Variants in OPRM1 observed in about 807,000 individuals in gnomAD.
OPRM1 encodes the protein opioid receptor mu 1.
A neutral mutation model predicts 31.8 loss-of-function variants in OPRM1; 27 were observed. That is an observed-to-expected ratio of 0.85 (90% CI 0.63 to 1.17). The LOEUF (loss-of-function observed/expected upper bound fraction) is 1.17, where lower values mean the gene tolerates loss of function less well. OPRM1 is among the 50% of genes most tolerant of loss of function. The probability of loss-of-function intolerance (pLI) is 0.00; values close to 1 mark genes in which losing one functional copy is unlikely to be tolerated. For missense variants in OPRM1, 536 were observed against 511.1 expected, an observed-to-expected ratio of 1.05 and a Z score of -0.47; for synonymous variants, 196 against 189.9, an observed-to-expected ratio of 1.03 and a Z score of -0.26.
chr6:154,034,795 G>A (rs530882793), upstream of OPRM1, among the ~76,000 whole-genome samples: 1 of 152,112 alleles, frequency 6.6e-6, no homozygotes, highest in Non-Finnish European at 1.5e-5. Context: ...GGAAATTGAA[G>A]AGCAAGACTT....
intron 3 of OPRM1, among the ~76,000 whole-genome samples, chr6:154,232,574 A>G (rs1779806002): frequency 6.6e-6 from 1 of 152,230 alleles, no homozygotes; most frequent in South Asian, 2.1e-4. Context: ...AAATAATTCT[A>G]AAGACAAGAC....
Position 154,123,904 on chromosome 6 carries a change from A to G in OPRM1, c.*5183A>G, listed in dbSNP as rs917311245. ...TCTTTACCACATCCTTTTATCAGTAAGATCTTCGTGACCTGTACCTTGTGC... is the reference window on the plus strand; with the variant it reads ...TCTTTACCACATCCTTTTATCAGTAGGATCTTCGTGACCTGTACCTTGTGC... On this transcript the variant is annotated 3_prime_UTR_variant, in exon 4 of 4. Transcript: ENST00000330432. Among the ~76,000 whole-genome samples the G allele has an allele frequency of 6.6e-6, 1 of 152,184 alleles. No homozygotes were observed. The highest frequency in any genetic ancestry group is 1.5e-5 in the Non-Finnish European group (1 of 68,038).
upstream of OPRM1, among the ~76,000 whole-genome samples, chr6:154,037,079 T>C (rs1204014956): frequency 6.6e-6 from 1 of 152,032 alleles, no homozygotes; most frequent in East Asian, 1.9e-4. Context: ...TAACAAGATG[T>C]AACTTAAAAG....
upstream of OPRM1, among the ~76,000 whole-genome samples, chr6:154,038,928 G>T (rs963884206): frequency 6.6e-6 from 1 of 152,184 alleles, no homozygotes; most frequent in Non-Finnish European, 1.5e-5. Context: ...GACTGCAAAA[G>T]AAAATTGTGT....
At chr6:154,180,386 C>CTATATATATA (rs58975780) in intron 3 of OPRM1, among the ~76,000 whole-genome samples, 8 of 88,320 alleles carry the variant, frequency 9.1e-5, no homozygotes, top group African/African-American at 2.0e-4. Context: ...ACAACAACAA[C>CTATATATATA]TATATATATA....
chr6:154,120,649 T>C lies in OPRM1; in HGVS notation c.*1928T>C, dbSNP rs1301755850. ...ATTCAAACAGAACACAATGTAATAT[T>C]TGTATGTAAATAACTGAGGAGGAAA... On this transcript the variant is annotated 3_prime_UTR_variant, in exon 4 of 4. Transcript: ENST00000330432. Among the ~76,000 whole-genome samples, 2 of 152,166 alleles carry C rather than the reference T, an allele frequency of 1.3e-5. No individual in the cohort carries two copies. The highest frequency in any genetic ancestry group is 2.9e-5 in the Non-Finnish European group (2 of 68,018).
Position 154,039,764 on chromosome 6 carries a change from A to G in OPRM1, c.220A>G (p.Met74Val). 3 of 1,605,390 alleles carry G rather than the reference A, an allele frequency of 1.9e-6. No individual in the cohort carries two copies. Among genetic ancestry groups the G allele is most frequent in the South Asian group, 2.2e-5 (2 of 91,028 alleles). Residue 74 changes from methionine (M) to valine (V), a missense_variant, in exon 1 of 4, where the codon ATG becomes GTG. Transcript: ENST00000330432. ...CTCCATGATCACGGCCATCACGATC[A>G]TGGCCCTCTACTCCATCGTGTGCGT... is the stretch of plus-strand genomic sequence containing the variant. ...SPSMITAITI[M>V]ALYSIVCVVG...
chr6:154,213,131 G>A, intron 3 of OPRM1: 1 of 398,364 alleles, frequency 2.5e-6, no homozygotes, highest in Non-Finnish European at 4.6e-6. Context: ...CTCAAAAGAG[G>A]TGTGAGTCAT....
intron 3 of OPRM1, among the ~76,000 whole-genome samples, chr6:154,143,948 G>T (rs1798290562): frequency 6.6e-6 from 1 of 152,182 alleles, no homozygotes; most frequent in African/African-American, 2.4e-5. Flanking sequence ...GAAAGAGAGA[G>T]AGAAAGGACA....
At chr6:154,099,998 A>G (rs1463549178) in intron 3 of OPRM1, among the ~76,000 whole-genome samples, 2 of 130,372 alleles carry the variant, frequency 1.5e-5, no homozygotes, top group East Asian at 2.1e-4. Context: ...ATTATATATT[A>G]TCATATTATG....
At chr6:154,226,055 C>G (rs955292820) in intron 3 of OPRM1, among the ~76,000 whole-genome samples, 2 of 152,164 alleles carry the variant, frequency 1.3e-5, no homozygotes, top group African/African-American at 2.4e-5. Flanking sequence ...TCTAACTATG[C>G]CTTCTTCTCT....
chr6:154,116,235 GC>G (rs879257534), intron 3 of OPRM1, among the ~76,000 whole-genome samples: 1 of 152,152 alleles, frequency 6.6e-6, no homozygotes, highest in Admixed American at 6.5e-5. Flanking sequence ...GGCAGCTTCA[GC>G]CCTCAGGCTT....
chr6:154,219,971 G>A (rs1394357437), intron 3 of OPRM1, among the ~76,000 whole-genome samples: 11 of 148,556 alleles, frequency 7.4e-5, no homozygotes, highest in Admixed American at 4.0e-4. Flanking sequence ...AGAGCTGAGC[G>A]GATACCTGTA....
intron 3 of OPRM1, chr6:154,214,108 A>G (rs1778189837): frequency 1.3e-6 from 1 of 752,916 alleles, no homozygotes; most frequent in Non-Finnish European, 2.4e-6. Flanking sequence ...ATGCCAAAGC[A>G]TGTTTCCTCA....
intron 1 of OPRM1, among the ~76,000 whole-genome samples, chr6:154,059,702 A>G (rs549037312): frequency 6.6e-6 from 1 of 152,238 alleles, no homozygotes; most frequent in Non-Finnish European, 1.5e-5. Context: ...TAACAAAGTA[A>G]CAAATACTCA....
rs760524753 is a variant in OPRM1, at chr6:154,125,594, CA to C, written c.*6881del. Among the ~76,000 whole-genome samples, 2 of 151,568 alleles carry C rather than the reference CA, an allele frequency of 1.3e-5. No homozygotes were observed. The highest frequency in any genetic ancestry group is 2.1e-4 in the South Asian group (1 of 4,790). On this transcript the variant is annotated 3_prime_UTR_variant, in exon 4 of 4. Transcript: ENST00000330432. ...CATGCACTGTAATAGGAATGTTTAGCAAAAAAAACCTTCCAGAGAAAGGTGG... is the reference window on the plus strand; with the variant it reads ...CATGCACTGTAATAGGAATGTTTAGCAAAAAAACCTTCCAGAGAAAGGTGG...
chr6:154,069,643 C>G (rs1786221082), intron 1 of OPRM1, among the ~76,000 whole-genome samples: 1 of 152,120 alleles, frequency 6.6e-6, no homozygotes, highest in Admixed American at 6.5e-5. Context: ...GGGGGTCTTA[C>G]ATTTAAGTTG....
chr6:154,091,631 A>AAT, intron 3 of OPRM1, 159 bp downstream of exon 3: 1 of 1,424,882 alleles, frequency 7.0e-7, no homozygotes, highest in East Asian at 2.5e-5. Context: ...TTTGTTATAT[A>AAT]AACTGTGTTC....
At chr6:154,173,003 C>T (rs144270712) in intron 3 of OPRM1, among the ~76,000 whole-genome samples, 19 of 152,310 alleles carry the variant, frequency 1.2e-4, no homozygotes, top group Admixed American at 9.8e-4. Context: ...CTGCAGCCTC[C>T]GCTGGTGATA....
Sources: allele counts gnomAD v4.1 joint callset (sites outside exome capture counted in the v4.1 genomes callset), GRCh38; gene constraint gnomAD v4.1.1; transcripts MANE v1.5; gene names NCBI Gene and HGNC (gene_info 2026-07-23, HGNC 2026-07-21).